UGT1A3: variants seen among roughly 807,000 people sequenced by gnomAD.
UGT1A3 encodes the protein UDP glucuronosyltransferase family 1 member A3.
A neutral mutation model predicts 41.0 loss-of-function variants in UGT1A3; 31 were observed. That is an observed-to-expected ratio of 0.76 (90% CI 0.57 to 1.02). The LOEUF (loss-of-function observed/expected upper bound fraction) is 1.02. Among genes scored for constraint, UGT1A3 ranks in the 50% least tolerant of loss-of-function variants. UGT1A3 has a pLI of 0.00. For synonymous variants in UGT1A3, 262 were observed against 257.6 expected (o/e 1.02, Z -0.17); for missense variants, 737 against 671.0 (o/e 1.10, Z -1.09).
chr2:233,743,207 A>C, intron 1 of UGT1A3: 1 of 394,578 alleles, frequency 2.5e-6, no homozygotes, highest in Non-Finnish European at 5.0e-6. Flanking sequence ...GTCAATGCGG[A>C]GTAACTGCTC....
chr2:233,772,602 G>A lies in UGT1A3; in HGVS notation c.*43G>A. 6.3e-7 allele frequency: 1 copy of A among 1,589,502 alleles called. No individual in the cohort carries two copies. Among genetic ancestry groups the A allele is most frequent in the Non-Finnish European group, 8.6e-7 (1 of 1,167,066 alleles). On this transcript the variant is annotated 3_prime_UTR_variant, in exon 5 of 5. Transcript: ENST00000482026. The stretch of plus-strand genomic sequence containing the variant: ...AGGTAAAATTTTGAACCATTCCCTA[G>A]TCATTTCCAAACTTGAAAACAGAAT...
At chr2:233,767,192 A>G (rs752013731) in intron 2 of UGT1A3, 27 bp downstream of exon 2, 12 of 1,613,678 alleles carry the variant, frequency 7.4e-6, no homozygotes, top group Non-Finnish European at 9.3e-6. Flanking sequence ...CCATGGCCTC[A>G]TATCTATTTT....
intron 4 of UGT1A3, among the ~76,000 whole-genome samples, chr2:233,772,034 G>A (rs1488407782): frequency 1.3e-5 from 2 of 152,152 alleles, no homozygotes; most frequent in African/African-American, 2.4e-5. Context: ...GATGGCTTGA[G>A]CCCAGGAGTT....
In UGT1A3 at chr2:233,729,677, G is replaced by A. The variant is rs2077906321; in HGVS notation, c.551G>A (p.Gly184Asp). The A allele has an allele frequency of 3.7e-6, 6 of 1,613,888 alleles. No individual in the cohort carries two copies. The highest frequency in any genetic ancestry group is 1.7e-4 in the Middle Eastern group (1 of 6,056). The change falls in exon 1 of 5, where the codon GGC becomes GAC. Residue 184 changes from glycine (G) to aspartate (D), a missense_variant. Transcript: ENST00000482026. ...ATTCCATGTGATTTAGACTTTAAGG[G>A]CACACAGTGTCCAAACCCTTCCTCC... ...RNIPCDLDFK[G>D]TQCPNPSSYI...
At chr2:233,737,199 C>T (rs762867419) in intron 1 of UGT1A3, among the ~76,000 whole-genome samples, 7 of 152,222 alleles carry the variant, frequency 4.6e-5, no homozygotes, top group Non-Finnish European at 7.3e-5. Flanking sequence ...TGCTGAGCTG[C>T]GGTGGACTCT....
chr2:233,772,733 G>A lies in UGT1A3; in HGVS notation c.*174G>A, dbSNP rs1019873826. 7 of 1,442,156 alleles carry A rather than the reference G, an allele frequency of 4.9e-6. No homozygotes were observed. Among genetic ancestry groups the A allele is most frequent in the Non-Finnish European group, 6.4e-6 (7 of 1,099,298 alleles). The allele number at this position is 1,442,156 out of a possible 1,614,324, so 89.3% of individuals were successfully genotyped here. A position where few individuals can be genotyped will look rare whatever the true frequency, so the allele number is the denominator to read the frequency against. ...TTAAATAAAAATAATAGACTCGCTA[G>A]TCAGTAAAGATATTTGAATATGTAT... On this transcript the variant is annotated 3_prime_UTR_variant, in exon 5 of 5. Coordinates refer to ENST00000482026, the MANE Select transcript of UGT1A3 (RefSeq NM_019093.4).
Position 233,729,130 on chromosome 2 carries a change from G to A in UGT1A3, c.4G>A (p.Ala2Thr). Residue 2 changes from alanine to threonine, a missense_variant, in exon 1 of 5, where the codon GCC (alanine) becomes ACC (threonine). Transcript: ENST00000482026. Reference protein sequence around the residue: MATGLQVPLPWL... With the variant: MTTGLQVPLPWL... ...GCTGTCCGTGTCTTCTGCTGAGATGGCCACAGGACTCCAGGTTCCCCTGCC... is the reference window on the plus strand; with the variant it reads ...GCTGTCCGTGTCTTCTGCTGAGATGACCACAGGACTCCAGGTTCCCCTGCC... 3 of 1,613,182 alleles carry A rather than the reference G, an allele frequency of 1.9e-6. No homozygotes were observed. Among genetic ancestry groups the A allele is most frequent in the Non-Finnish European group, 2.5e-6 (3 of 1,179,926 alleles).
In UGT1A3 at chr2:233,772,258, T is replaced by A; in HGVS notation, c.1308-4T>A. On this transcript the variant is annotated splice_polypyrimidine_tract_variant and splice_region_variant and intron_variant, in intron 4 of 4. Coordinates refer to ENST00000482026, the MANE Select transcript of UGT1A3 (RefSeq NM_019093.4). The stretch of plus-strand genomic sequence containing the variant: ...AGGCATAACGAAACTGTCTTTGTGT[T>A]TAGTTACAAGGAGAACATCATGCGC... The A allele has an allele frequency of 6.2e-7, 1 of 1,614,236 alleles. No individual in the cohort carries two copies. The highest frequency in any genetic ancestry group is 8.5e-7 in the Non-Finnish European group (1 of 1,180,048).
intron 1 of UGT1A3, among the ~76,000 whole-genome samples, chr2:233,758,252 T>G (rs1696828671): frequency 6.6e-6 from 1 of 152,196 alleles, no homozygotes; most frequent in African/African-American, 2.4e-5. Context: ...ACTATTCAGA[T>G]TAGTAAGTAT....
intron 1 of UGT1A3, among the ~76,000 whole-genome samples, chr2:233,745,147 T>C (rs1693024972): frequency 6.6e-6 from 1 of 151,864 alleles, no homozygotes; most frequent in Non-Finnish European, 1.5e-5. Flanking sequence ...CCCAAGTATA[T>C]GGAGGGTCAA....
intron 3 of UGT1A3, 59 bp from the exon 4 acceptor site, chr2:233,768,161 T>G: frequency 1.2e-6 from 2 of 1,613,420 alleles, no homozygotes; most frequent in East Asian, 2.2e-5. Flanking sequence ...AACCTAGATG[T>G]GTCCAGCTGT....
At chr2:233,762,613 G>C (rs1698113480) in intron 1 of UGT1A3, among the ~76,000 whole-genome samples, 2 of 152,034 alleles carry the variant, frequency 1.3e-5, no homozygotes, top group South Asian at 4.1e-4. Flanking sequence ...GAGTTTTGTT[G>C]TTGTGACCTC....
At chr2:233,741,065 C>T (rs978483126) in intron 1 of UGT1A3, among the ~76,000 whole-genome samples, 7 of 151,774 alleles carry the variant, frequency 4.6e-5, no homozygotes, top group African/African-American at 7.3e-5. Context: ...AGCTACAGAG[C>T]GAGACCCTGT....
intron 1 of UGT1A3, among the ~76,000 whole-genome samples, chr2:233,730,410 A>G (rs1377970337): frequency 1.3e-5 from 2 of 152,224 alleles, no homozygotes; most frequent in African/African-American, 4.8e-5. Flanking sequence ...ACAATTGTTG[A>G]CATGATAATT....
At chr2:233,754,297 C>G (rs1695445363) in intron 1 of UGT1A3, 1 of 235,612 alleles carries the variant, frequency 4.2e-6, no homozygotes, top group Non-Finnish European at 8.4e-6. Flanking sequence ...TGTCCTAGCA[C>G]TAGGAAATAA....
chr2:233,763,230 T>C (rs1698265609), intron 1 of UGT1A3, among the ~76,000 whole-genome samples: 1 of 152,252 alleles, frequency 6.6e-6, no homozygotes, highest in African/African-American at 2.4e-5. Context: ...AATATGTTTT[T>C]AAATTGTACC....
chr2:233,759,735 A>G (rs1426005691), intron 1 of UGT1A3, among the ~76,000 whole-genome samples: 1 of 152,016 alleles, frequency 6.6e-6, no homozygotes, highest in Non-Finnish European at 1.5e-5. Flanking sequence ...CTGCAGCCTC[A>G]AGACCCCACA....
chr2:233,772,961 T>C lies in UGT1A3; in HGVS notation c.*402T>C, dbSNP rs1575872902. On this transcript the variant is annotated 3_prime_UTR_variant, in exon 5 of 5. Transcript: ENST00000482026. The stretch of plus-strand genomic sequence containing the variant: ...TTTGGCTTCTGCAGATGGTTGCAAT[T>C]GATCCTTAACCAATAATGGTCAGTC... 2 of 315,806 alleles carry C rather than the reference T, an allele frequency of 6.3e-6. No homozygotes were observed. Among genetic ancestry groups the C allele is most frequent in the East Asian group, 1.6e-4 (2 of 12,236 alleles). 19.6% of individuals were successfully genotyped at this position (315,806 alleles called of 1,614,324 possible).
intron 1 of UGT1A3, among the ~76,000 whole-genome samples, chr2:233,749,032 A>G (rs1468122905): frequency 5.3e-5 from 8 of 151,716 alleles, no homozygotes; most frequent in Non-Finnish European, 1.2e-4. Flanking sequence ...TTTGGGGTTC[A>G]TTGATGTGGT....
Sources: gnomAD v4.1 joint callset for allele counts (sites outside exome capture counted in the v4.1 genomes callset) on GRCh38, gnomAD v4.1.1 for gene constraint, MANE v1.5 for transcripts, NCBI Gene and HGNC (gene_info 2026-07-23, HGNC 2026-07-21) for gene names.